The following INPP4A variants were observed in gnomAD, a reference collection of about 807,000 sequenced individuals.
INPP4A encodes inositol polyphosphate-4-phosphatase type I A.
A neutral mutation model predicts 119.8 loss-of-function variants in INPP4A; 33 were observed. The observed-to-expected ratio is 0.28, with a 90% CI of 0.21 to 0.37. INPP4A has a LOEUF of 0.37. Among genes scored for constraint, INPP4A ranks in the 10% least tolerant of loss-of-function variants. The pLI, the probability that INPP4A is intolerant of heterozygous loss-of-function variation, is 1.00. For missense variants in INPP4A, 956 were observed against 1,289.9 expected (o/e 0.74, Z 3.97); for synonymous variants, 496 against 500.7 (o/e 0.99, Z 0.12).
At chr2:98,564,299 G>C (rs1468317437) in intron 18 of INPP4A, among the ~76,000 whole-genome samples, 1 of 152,174 alleles carries the variant, frequency 6.6e-6, no homozygotes, top group East Asian at 1.9e-4. Context: ...AGCCAGGGGT[G>C]GCATGGCTCT....
chr2:98,551,390 C>A (rs1384374102), intron 13 of INPP4A, among the ~76,000 whole-genome samples: 2 of 152,126 alleles, frequency 1.3e-5, no homozygotes, highest in Admixed American at 1.3e-4. Context: ...CTGTTGTGCC[C>A]CACGAGCTTG....
chr2:98,579,705 C>T (rs1698998088), intron 24 of INPP4A, among the ~76,000 whole-genome samples: 1 of 152,254 alleles, frequency 6.6e-6, no homozygotes, highest in Non-Finnish European at 1.5e-5. Flanking sequence ...GAAGGCCCTT[C>T]CTCCTGTGGG....
intron 1 of INPP4A, among the ~76,000 whole-genome samples, chr2:98,512,856 G>A (rs1261069255): frequency 2.6e-5 from 4 of 152,196 alleles, no homozygotes; most frequent in South Asian, 2.1e-4. Context: ...GCCTTCCTGA[G>A]ACCCCTCCCA....
intron 1 of INPP4A, among the ~76,000 whole-genome samples, chr2:98,453,736 C>T (rs535981262): frequency 5.9e-5 from 9 of 152,190 alleles, no homozygotes; most frequent in African/African-American, 2.2e-4. Context: ...GAGCTGGGGG[C>T]GTGAGGAGCA....
intron 4 of INPP4A, among the ~76,000 whole-genome samples, chr2:98,521,929 TAAAA>T (rs1363562796): frequency 1.3e-5 from 2 of 151,572 alleles, no homozygotes; most frequent in Non-Finnish European, 2.9e-5. Flanking sequence ...AAAATAATAA[TAAAA>T]AAGAAACAAA....
At chr2:98,456,873 A>G (rs1250548388) in intron 1 of INPP4A, among the ~76,000 whole-genome samples, 1 of 152,222 alleles carries the variant, frequency 6.6e-6, no homozygotes, top group Non-Finnish European at 1.5e-5. Flanking sequence ...TTATTTAATT[A>G]TTCTTTAATT....
At position 98,452,649 on chromosome 2, in the gene INPP4A, C is replaced by A. The variant is rs573210819; in HGVS notation, c.-166+7564C>A. Among the ~76,000 whole-genome samples, 14 of 152,310 alleles carry A rather than the reference C, an allele frequency of 9.2e-5. No individual in the cohort carries two copies. In the East Asian group the frequency reaches 2.7e-3, roughly 29 times the overall value. ...GCTCTCCGGAGTCCTTCCCCTGCCC[C>A]CCATTCGCCAGCTTGTCCACCCATA... is the stretch of plus-strand genomic sequence containing the variant. On this transcript the variant is annotated intron_variant, in intron 1 of 24. Coordinates refer to ENST00000409851, the MANE Select transcript of INPP4A (RefSeq NM_001134225.2).
At chr2:98,520,935 C>G (rs1687062081) in intron 4 of INPP4A, 2 of 491,548 alleles carry the variant, frequency 4.1e-6, no homozygotes, top group Non-Finnish European at 7.1e-6. Flanking sequence ...TGCCCACAGG[C>G]TCCTGTCTCC....
chr2:98,559,499 C>T lies in INPP4A; in HGVS notation c.1855+4C>T, dbSNP rs752021235. On this transcript the variant is annotated splice_donor_region_variant and intron_variant, in intron 17 of 24. Coordinates refer to ENST00000409851, the MANE Select transcript of INPP4A (RefSeq NM_001134225.2). ...CCTCCTGAAGAGTCCAGCCCAGGTACGTGGTTTCCGTTCAAGGCTCCTGCT... is the reference window on the plus strand; with the variant it reads ...CCTCCTGAAGAGTCCAGCCCAGGTATGTGGTTTCCGTTCAAGGCTCCTGCT... The T allele has an allele frequency of 5.6e-6, 9 of 1,613,850 alleles. No homozygotes were observed. Among genetic ancestry groups the T allele is most frequent in the East Asian group, 2.2e-5 (1 of 44,890 alleles).
intron 13 of INPP4A, 85 bp from the exon 14 acceptor site, chr2:98,552,701 G>GGTTGTGTTAGCCACT: frequency 9.2e-7 from 1 of 1,083,460 alleles, no homozygotes. Flanking sequence ...TCATCTTAGG[G>GGTTGTGTTAGCCACT]TCAATTGTGG....
intron 4 of INPP4A, among the ~76,000 whole-genome samples, chr2:98,526,846 G>A (rs1688264947): frequency 6.6e-6 from 1 of 152,176 alleles, no homozygotes; most frequent in Admixed American, 6.5e-5. Context: ...CTTACATGAT[G>A]AGAGAAGGAT....
chr2:98,497,383 G>A (rs1185592400), intron 1 of INPP4A, among the ~76,000 whole-genome samples: 8 of 152,302 alleles, frequency 5.3e-5, no homozygotes, highest in African/African-American at 1.2e-4. Context: ...ATGGGGCACC[G>A]CCTAGTGGAG....
intron 10 of INPP4A, among the ~76,000 whole-genome samples, chr2:98,543,136 G>A (rs1408885331): frequency 6.6e-6 from 1 of 152,082 alleles, no homozygotes; most frequent in African/African-American, 2.4e-5. Flanking sequence ...TAGCCAGGAT[G>A]GTCTCAATCT....
At chr2:98,496,276 G>A (rs1320722944) in intron 1 of INPP4A, among the ~76,000 whole-genome samples, 3 of 152,082 alleles carry the variant, frequency 2.0e-5, no homozygotes, top group Non-Finnish European at 4.4e-5. Context: ...TTACATTTTT[G>A]GCTTATAGTC....
intron 1 of INPP4A, among the ~76,000 whole-genome samples, chr2:98,513,081 C>T (rs766202776): frequency 2.6e-5 from 4 of 152,160 alleles, no homozygotes; most frequent in Non-Finnish European, 5.9e-5. Flanking sequence ...TCCCTTGCAC[C>T]GTAGGATGGG....
intron 1 of INPP4A, among the ~76,000 whole-genome samples, chr2:98,488,419 A>G (rs1018831681): frequency 1.3e-5 from 2 of 152,202 alleles, no homozygotes; most frequent in African/African-American, 4.8e-5. Flanking sequence ...TCCATTTGCC[A>G]GTTCTGTGTT....
chr2:98,545,912 C>T, intron 11 of INPP4A, 57 bp from the exon 12 acceptor site: 1 of 1,249,610 alleles, frequency 8.0e-7, no homozygotes, highest in Admixed American at 2.4e-5. Context: ...CTACTTGCAA[C>T]TCGTGAATGC....
rs138373974 is a variant in INPP4A at position 98,577,181 on chromosome 2, C to T, written c.2786+38C>T. 1.7e-3 allele frequency: 2,688 copies of T among 1,539,168 alleles called. 9 individuals carry two copies. The highest frequency in any genetic ancestry group is 5.5e-3 in the South Asian group (455 of 83,008). On this transcript the variant is annotated intron_variant, in intron 24 of 24. Coordinates refer to ENST00000409851, the MANE Select transcript of INPP4A (RefSeq NM_001134225.2). ...GCCAGGCCGCGCGCCCCGCCTGCCC[C>T]GGCCCGTGTAAACTGCAGATGAGCT...
chr2:98,506,833 C>T (rs6736152), intron 1 of INPP4A, among the ~76,000 whole-genome samples: 2,579 of 152,294 alleles, frequency 0.017, 66 homozygotes, highest in African/African-American at 0.059. Flanking sequence ...TGCGGGCACT[C>T]CCCTGTGGCA....
Sources: allele counts gnomAD v4.1 joint callset (sites outside exome capture counted in the v4.1 genomes callset), GRCh38; gene constraint gnomAD v4.1.1; transcripts MANE v1.5; gene names NCBI Gene and HGNC (gene_info 2026-07-23, HGNC 2026-07-21).